Variants in HERC6 observed in about 807,000 individuals in gnomAD.
HERC6 encodes probable E3 ubiquitin-protein ligase HERC6.
HERC6 carries 101 observed loss-of-function variants against 114.5 expected under a neutral mutation model. The observed-to-expected ratio is 0.88, with a 90% CI of 0.75 to 1.04. The LOEUF is 1.04. Ranked by LOEUF, HERC6 falls within the 50% of genes least tolerant of loss-of-function variation. The pLI, the probability that HERC6 is intolerant of heterozygous loss-of-function variation, is 0.00. For missense variants in HERC6, 1,133 were observed against 1,230.9 expected (o/e 0.92, Z 1.19); for synonymous variants, 408 against 436.2 (o/e 0.94, Z 0.81).
intron 14 of HERC6, 52 bp downstream of exon 14, chr4:88,424,025 C>T (rs1737339627): frequency 1.1e-6 from 1 of 880,276 alleles, no homozygotes; most frequent in South Asian, 1.7e-5. Flanking sequence ...AAGGAAGACA[C>T]ATTACTGTAG....
chr4:88,405,072 G>A (rs1578386654), intron 9 of HERC6, 75 bp downstream of exon 9: 2 of 1,542,478 alleles, frequency 1.3e-6, no homozygotes, highest in East Asian at 4.6e-5. Context: ...TAAGATAGAG[G>A]TTTTGGTTTT....
chr4:88,384,105 G>A (rs1734459233), intron 2 of HERC6, among the ~76,000 whole-genome samples: 1 of 152,080 alleles, frequency 6.6e-6, no homozygotes, highest in Non-Finnish European at 1.5e-5. Context: ...TTCCTTGAGT[G>A]AGAGTTTCCT....
chr4:88,432,745 TA>T (rs1738360237), intron 17 of HERC6, among the ~76,000 whole-genome samples: 1 of 149,044 alleles, frequency 6.7e-6, no homozygotes, highest in East Asian at 2.0e-4. Context: ...AAAAGGTGCT[TA>T]AAAAGGAAAA....
intron 5 of HERC6, 35 bp downstream of exon 5, chr4:88,393,617 C>A: frequency 7.4e-7 from 1 of 1,346,828 alleles, no homozygotes; most frequent in East Asian, 2.3e-5. Context: ...TTTTGAGTTC[C>A]AGAGAAATGG....
chr4:88,417,295 G>T (rs929964269), intron 12 of HERC6, 130 bp from the exon 13 acceptor site: 1 of 902,534 alleles, frequency 1.1e-6, no homozygotes, highest in Non-Finnish European at 1.7e-6. Context: ...ACTTAAAAAA[G>T]ATATTCATAA....
In HERC6 at chr4:88,431,036, G is replaced by A. The variant is rs1024032418; in HGVS notation, c.2107-126G>A. On this transcript the variant is annotated intron_variant, in intron 16 of 22. Coordinates refer to ENST00000264346, the MANE Select transcript of HERC6 (RefSeq NM_017912.4). The stretch of plus-strand genomic sequence containing the variant: ...CTGAGGGAAGACAGATTGCAAGGAG[G>A]TAAGGGCTATGTGATTCTAATAATT... The A allele has an allele frequency of 3.8e-6, 3 of 782,920 alleles. No homozygotes were observed. In the African/African-American group the frequency reaches 5.2e-5, roughly 14 times the overall value. The allele number at this position is 782,920 out of a possible 1,614,324, so 48.5% of individuals were successfully genotyped here.
At chr4:88,405,126 C>A in intron 9 of HERC6, 129 bp downstream of exon 9, 3 of 1,138,142 alleles carry the variant, frequency 2.6e-6, no homozygotes, top group South Asian at 1.5e-5. Flanking sequence ...TCTTCTACAG[C>A]CTCTTAGTGT....
In HERC6 at chr4:88,423,319, C is replaced by G. The variant is rs573812869; in HGVS notation, c.1714-541C>G. ...GTCTTTCCCCAATCAGAAACTGTAT[C>G]CTAAATTCCTGGTAACTTGTTGTTT... On this transcript the variant is annotated intron_variant, in intron 13 of 22. Transcript: ENST00000264346. Among the ~76,000 whole-genome samples, 5 of 152,196 alleles carry G rather than the reference C, an allele frequency of 3.3e-5. No individual in the cohort carries two copies. The South Asian group carries it at 8.3e-4, about 25-fold the overall frequency.
intron 5 of HERC6, among the ~76,000 whole-genome samples, chr4:88,395,726 A>C (rs140782035): frequency 6.6e-6 from 1 of 151,830 alleles, no homozygotes; most frequent in East Asian, 1.9e-4. Flanking sequence ...GTCTTGCTAT[A>C]TTGGCCAGGC....
chr4:88,442,712 C>G lies in HERC6; in HGVS notation c.*252C>G, dbSNP rs1258232008. ...TCCCTGGCACTGAAGAGTCTGAACA[C>G]TGGCCTGTGATTGGTCCATTCCAGG... On this transcript the variant is annotated 3_prime_UTR_variant, in exon 23 of 23. Coordinates refer to ENST00000264346, the MANE Select transcript of HERC6 (RefSeq NM_017912.4). 10 of 523,844 alleles carry G rather than the reference C, an allele frequency of 1.9e-5. No homozygotes were observed. The highest frequency in any genetic ancestry group is 1.8e-4 in the South Asian group (8 of 45,012). The allele number at this position is 523,844 out of a possible 1,614,324, so 32.4% of individuals were successfully genotyped here. A position where few individuals can be genotyped will look rare whatever the true frequency, so the allele number is the denominator to read the frequency against.
At chr4:88,402,801 A>G (rs1735611804) in intron 8 of HERC6, among the ~76,000 whole-genome samples, 1 of 152,208 alleles carries the variant, frequency 6.6e-6, no homozygotes, top group Admixed American at 6.5e-5. Context: ...CAGAAAATGA[A>G]GAAATGGTAT....
intron 20 of HERC6, among the ~76,000 whole-genome samples, chr4:88,439,001 G>A (rs1739044026): frequency 2.0e-5 from 3 of 152,332 alleles, no homozygotes; most frequent in African/African-American, 7.2e-5. Context: ...ATTACATCCT[G>A]TAGTATAAGA....
At chr4:88,405,058 A>G (rs2148892219) in intron 9 of HERC6, 61 bp downstream of exon 9, 1 of 1,570,574 alleles carries the variant, frequency 6.4e-7, no homozygotes. Context: ...TGGTCATTTT[A>G]TCCTAAGATA....
chr4:88,404,313 G>A (rs1016002448), intron 8 of HERC6, among the ~76,000 whole-genome samples: 5 of 150,844 alleles, frequency 3.3e-5, no homozygotes, highest in African/African-American at 9.8e-5. Context: ...TCAGCCTCCC[G>A]AGTAGCTGGG....
chr4:88,392,760 C>T (rs567050360), intron 4 of HERC6, among the ~76,000 whole-genome samples: 1 of 152,078 alleles, frequency 6.6e-6, no homozygotes, highest in African/African-American at 2.4e-5. Flanking sequence ...CTAACTGCAG[C>T]CTTGCAAGTA....
At chr4:88,390,161 G>A (rs1175410866) in intron 3 of HERC6, among the ~76,000 whole-genome samples, 1 of 87,388 alleles carries the variant, frequency 1.1e-5, no homozygotes, top group Admixed American at 1.8e-4. Flanking sequence ...CTGGATGACA[G>A]AATGAAACTC....
intron 2 of HERC6, among the ~76,000 whole-genome samples, chr4:88,385,098 T>A (rs1734508453): frequency 1.3e-5 from 2 of 152,216 alleles, no homozygotes. Context: ...TGATTTAACC[T>A]AATGATTTCT....
At chr4:88,412,683 G>A (rs1736182728) in intron 11 of HERC6, among the ~76,000 whole-genome samples, 2 of 152,194 alleles carry the variant, frequency 1.3e-5, no homozygotes, top group African/African-American at 4.8e-5. Context: ...TGAGAAAACA[G>A]AAAGAAAGAA....
chr4:88,405,271 A>G (rs1354150242), intron 9 of HERC6, among the ~76,000 whole-genome samples: 1 of 152,206 alleles, frequency 6.6e-6, no homozygotes, highest in Non-Finnish European at 1.5e-5. Flanking sequence ...CTGTTTTCAT[A>G]TCTTCATAGT....
Sources: gnomAD v4.1 joint callset for allele counts (sites outside exome capture counted in the v4.1 genomes callset) on GRCh38, gnomAD v4.1.1 for gene constraint, MANE v1.5 for transcripts, NCBI Gene and HGNC (gene_info 2026-07-23, HGNC 2026-07-21) for gene names.